The following SLX4IP variants were observed in gnomAD, a reference collection of about 807,000 sequenced individuals.
SLX4IP encodes protein SLX4IP.
SLX4IP carries 34 observed loss-of-function variants against 32.9 expected under a neutral mutation model. The observed-to-expected ratio is 1.03, with a 90% confidence interval of 0.79 to 1.38. SLX4IP has a LOEUF of 1.38. Among genes scored for constraint, SLX4IP ranks in the 40% most tolerant of loss-of-function variants. SLX4IP has a pLI of 0.00. For missense variants in SLX4IP, 444 were observed against 479.0 expected (o/e 0.93, Z 0.68); for synonymous variants, 172 against 171.7 (o/e 1.00, Z -0.01).
intron 4 of SLX4IP, among the ~76,000 whole-genome samples, chr20:10,566,987 C>G (rs1332775329): frequency 6.6e-6 from 1 of 152,166 alleles, no homozygotes; most frequent in Admixed American, 6.5e-5. Flanking sequence ...CATCACTGGC[C>G]TATCTCCCTA....
At chr20:10,589,347 C>A (rs2066680325) in intron 4 of SLX4IP, among the ~76,000 whole-genome samples, 2 of 151,946 alleles carry the variant, frequency 1.3e-5, no homozygotes, top group Non-Finnish European at 2.9e-5. Context: ...CTGATCCAAC[C>A]CTGAAAGGGC....
At chr20:10,554,559 A>AT (rs1400949391) in intron 2 of SLX4IP, among the ~76,000 whole-genome samples, 6 of 152,182 alleles carry the variant, frequency 3.9e-5, no homozygotes, top group African/African-American at 1.4e-4. Flanking sequence ...CCACTGGGAA[A>AT]GTATGAGAGT....
intron 2 of SLX4IP, among the ~76,000 whole-genome samples, chr20:10,490,365 C>G (rs2065612452): frequency 6.6e-6 from 1 of 152,102 alleles, no homozygotes; most frequent in Non-Finnish European, 1.5e-5. Flanking sequence ...TGGCTTAGAG[C>G]AGTGGTAACA....
intron 2 of SLX4IP, among the ~76,000 whole-genome samples, chr20:10,475,017 C>T (rs1357915419): frequency 6.6e-6 from 1 of 152,178 alleles, no homozygotes; most frequent in African/African-American, 2.4e-5. Flanking sequence ...TTTGGGCAAG[C>T]ACGTGGAGCC....
At chr20:10,566,282 CA>C (rs1380964289) in intron 4 of SLX4IP, among the ~76,000 whole-genome samples, 1 of 111,110 alleles carries the variant, frequency 9.0e-6, no homozygotes, top group Non-Finnish European at 1.8e-5. Flanking sequence ...GAACTGATTA[CA>C]TTTTTTTTTT....
chr20:10,514,330 C>G (rs1173819987), intron 2 of SLX4IP, among the ~76,000 whole-genome samples: 1 of 152,186 alleles, frequency 6.6e-6, no homozygotes, highest in Non-Finnish European at 1.5e-5. Flanking sequence ...GGCATCAGGA[C>G]AAATGAGAGG....
chr20:10,451,492 C>T (rs2065241944), intron 1 of SLX4IP, among the ~76,000 whole-genome samples: 1 of 151,868 alleles, frequency 6.6e-6, no homozygotes, highest in South Asian at 2.1e-4. Context: ...GGCTCTCAAA[C>T]TGCGCTGTCC....
intron 2 of SLX4IP, among the ~76,000 whole-genome samples, chr20:10,474,375 A>G (rs757832212): frequency 1.2e-4 from 19 of 152,234 alleles, no homozygotes; most frequent in Non-Finnish European, 2.4e-4. Flanking sequence ...AGATCACATA[A>G]CACAGCTATG....
At chr20:10,472,380 G>C (rs1312732478) in intron 2 of SLX4IP, among the ~76,000 whole-genome samples, 2 of 152,074 alleles carry the variant, frequency 1.3e-5, no homozygotes, top group Non-Finnish European at 2.9e-5. Context: ...ACAGTCGCCT[G>C]CCACCACGCC....
At chr20:10,622,534 G>A in intron 7 of SLX4IP, 125 bp from the exon 8 acceptor site, 1 of 1,354,342 alleles carries the variant, frequency 7.4e-7, no homozygotes, top group Non-Finnish European at 9.9e-7. Context: ...AGATTTGCTG[G>A]GGAAGCGAGA....
chr20:10,463,096 C>T lies in SLX4IP; in HGVS notation c.27+4865C>T, dbSNP rs189372506. Among the ~76,000 whole-genome samples the T allele has an allele frequency of 3.8e-4, 58 of 152,232 alleles. 1 individual carries two copies. The highest frequency in any genetic ancestry group is 5.4e-4 in the Non-Finnish European group (37 of 68,020). On this transcript the variant is annotated intron_variant, in intron 2 of 7. Transcript: ENST00000334534. ...AGAAAAGAAAACCCAAAGAGCCAGA[C>T]GGTTGACCCTTAATACCCTCTTCGT... is the stretch of plus-strand genomic sequence containing the variant.
intron 4 of SLX4IP, among the ~76,000 whole-genome samples, chr20:10,590,167 A>G (rs963942110): frequency 6.6e-6 from 1 of 152,124 alleles, no homozygotes; most frequent in Non-Finnish European, 1.5e-5. Flanking sequence ...TCCAGTTGAG[A>G]ACATGGTATA....
intron 2 of SLX4IP, among the ~76,000 whole-genome samples, chr20:10,554,306 C>T (rs766484750): frequency 4.3e-4 from 66 of 152,076 alleles, no homozygotes; most frequent in Admixed American, 2.8e-3. Flanking sequence ...AGTAGTGTTC[C>T]CTTGCATGAA....
intron 1 of SLX4IP, among the ~76,000 whole-genome samples, chr20:10,450,712 C>T (rs974152894): frequency 8.5e-5 from 13 of 152,346 alleles, no homozygotes; most frequent in African/African-American, 3.1e-4. Context: ...TCACTGTTGA[C>T]TGAGTAATAA....
chr20:10,458,337 C>A, intron 2 of SLX4IP, 106 bp downstream of exon 2: 1 of 1,167,634 alleles, frequency 8.6e-7, no homozygotes, highest in Non-Finnish European at 1.2e-6. Flanking sequence ...GCTTTTTACA[C>A]TTGGGACTCT....
chr20:10,452,408 G>A lies in SLX4IP; in HGVS notation c.-29-5768G>A, dbSNP rs142720479. ...AGGCTGGGCGCAGTGGCTCATGCCT[G>A]TAATCCCAGCACTTTGGGAGGCCGA... is the stretch of plus-strand genomic sequence containing the variant. On this transcript the variant is annotated intron_variant, in intron 1 of 7. Coordinates refer to ENST00000334534, the MANE Select transcript of SLX4IP (RefSeq NM_001009608.3). 2.9e-3 allele frequency among the ~76,000 whole-genome samples: 440 copies of A among 152,048 alleles called. 3 individuals carry two copies. Among genetic ancestry groups the A allele is most frequent in the African/African-American group, 0.01 (427 of 41,450 alleles).
At chr20:10,465,027 G>T (rs1425238058) in intron 2 of SLX4IP, among the ~76,000 whole-genome samples, 1 of 152,168 alleles carries the variant, frequency 6.6e-6, no homozygotes, top group African/African-American at 2.4e-5. Context: ...TAGTGCATGA[G>T]ATGTAGGAAT....
At chr20:10,600,421 T>C (rs575731449) in intron 5 of SLX4IP, among the ~76,000 whole-genome samples, 87 of 152,226 alleles carry the variant, frequency 5.7e-4, no homozygotes, top group African/African-American at 2.1e-3. Context: ...AGTGGAGCTC[T>C]TTTTTTAGAA....
rs2067190999 is a variant in SLX4IP at position 10,627,849 on chromosome 20, A to G, written c.*4470A>G. The stretch of plus-strand genomic sequence containing the variant: ...ACAGATCCCCCGAATAACTTTCTTC[A>G]ATCAAGTTGAAAAACCAAACAGCTA... On this transcript the variant is annotated 3_prime_UTR_variant, in exon 8 of 8. Transcript: ENST00000334534. 1 of 152,246 alleles carries G rather than the reference A, an allele frequency of 6.6e-6. No individual in the cohort carries two copies. Among genetic ancestry groups the G allele is most frequent in the Non-Finnish European group, 1.5e-5 (1 of 68,040 alleles). 9.4% of individuals were successfully genotyped at this position (152,246 alleles called of 1,614,324 possible).
Sources: gnomAD v4.1 joint callset for allele counts (sites outside exome capture counted in the v4.1 genomes callset) on GRCh38, gnomAD v4.1.1 for gene constraint, MANE v1.5 for transcripts, NCBI Gene and HGNC (gene_info 2026-07-23, HGNC 2026-07-21) for gene names.